Variants in PRKN observed in about 807,000 individuals in gnomAD.
PRKN encodes the protein E3 ubiquitin-protein ligase parkin.
In PRKN, 56 loss-of-function variants were observed where a neutral mutation model predicts 59.5. The ratio of observed to expected loss-of-function variants is 0.94; its 90% CI spans 0.76 to 1.18. PRKN has a LOEUF of 1.18. Ranked by LOEUF, PRKN falls within the 50% of genes most tolerant of loss-of-function variation. The probability of loss-of-function intolerance (pLI) is 0.00; values close to 1 mark genes in which losing one functional copy is unlikely to be tolerated. For synonymous variants in PRKN, 250 were observed against 222.1 expected, an observed-to-expected ratio of 1.13 and a Z score of -1.12; for missense variants, 657 against 596.4, an observed-to-expected ratio of 1.10 and a Z score of -1.06.
rs557687820 is a variant in PRKN at position 162,200,529 on chromosome 6, T to C, written c.534+602A>G. Reference sequence around the variant, plus strand: ...TGGGTCACATAATGTTATTCATCTTTTGATTTTTCCCAACCATTTAAAGCC... The same window carrying C: ...TGGGTCACATAATGTTATTCATCTTCTGATTTTTCCCAACCATTTAAAGCC... On this transcript the variant is annotated intron_variant, in intron 4 of 11. Coordinates refer to ENST00000366898, the MANE Select transcript of PRKN (RefSeq NM_004562.3). 2.0e-5 allele frequency among the ~76,000 whole-genome samples: 3 copies of C among 152,308 alleles called. No homozygotes were observed. The East Asian group carries it at 5.8e-4, about 29-fold the overall frequency.
At chr6:162,532,341 A>G (rs1477820523) in intron 1 of PRKN, among the ~76,000 whole-genome samples, 2 of 152,252 alleles carry the variant, frequency 1.3e-5, no homozygotes, top group Non-Finnish European at 2.9e-5. Context: ...CTAAGTCTAC[A>G]TCACGGAGAC....
chr6:162,274,172 A>AATTAATTTATTT (rs1439630044), intron 2 of PRKN, among the ~76,000 whole-genome samples: 296 of 151,490 alleles, frequency 2.0e-3, no homozygotes, highest in African/African-American at 6.2e-3. Flanking sequence ...TTAATTTATT[A>AATTAATTTATTT]ATTTATTAAT....
intron 2 of PRKN, among the ~76,000 whole-genome samples, chr6:162,350,130 C>A (rs1784565722): frequency 6.6e-6 from 1 of 152,030 alleles, no homozygotes. Flanking sequence ...AGGAAAACAT[C>A]TGACCAAACA....
At chr6:161,436,398 T>C (rs28539045) in intron 9 of PRKN, among the ~76,000 whole-genome samples, 2 of 141,652 alleles carry the variant, frequency 1.4e-5, no homozygotes, top group African/African-American at 5.5e-5. Flanking sequence ...AGAGGAGGCA[T>C]GGCATAGAGA....
intron 2 of PRKN, among the ~76,000 whole-genome samples, chr6:162,361,157 C>CA (rs1478166601): frequency 6.6e-6 from 1 of 152,030 alleles, no homozygotes; most frequent in African/African-American, 2.4e-5. Context: ...TTGTAAACAT[C>CA]AGTCAAGTTC....
intron 1 of PRKN, among the ~76,000 whole-genome samples, chr6:162,475,523 G>A (rs186721298): frequency 6.0e-4 from 91 of 152,294 alleles, no homozygotes; most frequent in African/African-American, 1.4e-3. Context: ...TAAGAACCGC[G>A]CAGGTACATG....
intron 4 of PRKN, among the ~76,000 whole-genome samples, chr6:162,067,931 A>T (rs1009378449): frequency 6.6e-6 from 1 of 152,184 alleles, no homozygotes; most frequent in African/African-American, 2.4e-5. Flanking sequence ...ATAAATAAGC[A>T]TTTTTTATTT....
At chr6:162,381,950 A>T (rs1786509776) in intron 2 of PRKN, among the ~76,000 whole-genome samples, 1 of 152,168 alleles carries the variant, frequency 6.6e-6, no homozygotes. Context: ...AACACAGCAC[A>T]ATTGCAGATC....
chr6:162,084,915 A>G (rs1162461052), intron 4 of PRKN, among the ~76,000 whole-genome samples: 2 of 151,924 alleles, frequency 1.3e-5, no homozygotes, highest in African/African-American at 4.8e-5. Context: ...TGGAATTACA[A>G]TCAGTAACCT....
intron 1 of PRKN, among the ~76,000 whole-genome samples, chr6:162,573,157 A>G (rs1780418929): frequency 6.6e-6 from 1 of 152,154 alleles, no homozygotes; most frequent in Non-Finnish European, 1.5e-5. Flanking sequence ...GTAGATTCCA[A>G]ACAGAAAATG....
At chr6:162,229,846 C>T (rs1401986164) in intron 3 of PRKN, among the ~76,000 whole-genome samples, 2 of 152,178 alleles carry the variant, frequency 1.3e-5, no homozygotes, top group Non-Finnish European at 2.9e-5. Flanking sequence ...TCTGTATGGA[C>T]TCATAACTAG....
chr6:162,397,745 G>T (rs1562732221), intron 2 of PRKN, among the ~76,000 whole-genome samples: 1 of 152,212 alleles, frequency 6.6e-6, no homozygotes, highest in South Asian at 2.1e-4. Context: ...CAGTAGAAAT[G>T]TAAGATTTTG....
chr6:162,162,214 G>C (rs927188461), intron 4 of PRKN, among the ~76,000 whole-genome samples: 1 of 152,132 alleles, frequency 6.6e-6, no homozygotes, highest in African/African-American at 2.4e-5. Context: ...CTCCTGACTA[G>C]CTGGGATTAC....
chr6:162,680,167 A>G (rs911631881), intron 1 of PRKN, among the ~76,000 whole-genome samples: 5 of 151,258 alleles, frequency 3.3e-5, no homozygotes, highest in African/African-American at 7.3e-5. Context: ...TATATACTTA[A>G]TTAAGCATAT....
rs1371966834 is a variant in PRKN at position 162,121,237 on chromosome 6, C to T, written c.535-67063G>A. 2.0e-5 allele frequency among the ~76,000 whole-genome samples: 3 copies of T among 152,072 alleles called. No individual in the cohort carries two copies. In the East Asian group the frequency reaches 5.8e-4, roughly 29 times the overall value. On this transcript the variant is annotated intron_variant, in intron 4 of 11. Coordinates refer to ENST00000366898, the MANE Select transcript of PRKN (RefSeq NM_004562.3). ...ACATGTACCACACAGACCAGATGAA[C>T]AGAAAATAGCAAATACCTTAAATGT...
chr6:161,703,211 G>A (rs1786327539), intron 7 of PRKN, among the ~76,000 whole-genome samples: 1 of 152,140 alleles, frequency 6.6e-6, no homozygotes, highest in Admixed American at 6.5e-5. Context: ...GGCTGAGGCA[G>A]GAGGATTTCT....
rs181486458 is a variant in PRKN at position 162,069,054 on chromosome 6, A to G, written c.535-14880T>C. On this transcript the variant is annotated intron_variant, in intron 4 of 11. Transcript: ENST00000366898. The stretch of plus-strand genomic sequence containing the variant: ...TGGAGTCCTCCTTTTAAAATTTCAA[A>G]TAAGTCATTTTATAGCTTGGGAGAT... Among the ~76,000 whole-genome samples the G allele has an allele frequency of 1.7e-4, 26 of 152,292 alleles. 1 individual carries two copies. Among genetic ancestry groups the G allele is most frequent in the African/African-American group, 5.8e-4 (24 of 41,556 alleles).
chr6:162,562,621 G>A (rs547195707), intron 1 of PRKN, among the ~76,000 whole-genome samples: 2 of 152,174 alleles, frequency 1.3e-5, no homozygotes, highest in Non-Finnish European at 2.9e-5. Context: ...CCTTTGGAAA[G>A]GGGAGAGAAA....
intron 6 of PRKN, among the ~76,000 whole-genome samples, chr6:161,939,947 G>T (rs1397876934): frequency 6.6e-6 from 1 of 151,480 alleles, no homozygotes; most frequent in African/African-American, 2.4e-5. Context: ...TGCCCAGGCT[G>T]GAGTGCGATG....
Sources: gnomAD v4.1 joint callset for allele counts (sites outside exome capture counted in the v4.1 genomes callset) on GRCh38, gnomAD v4.1.1 for gene constraint, MANE v1.5 for transcripts, NCBI Gene and HGNC (gene_info 2026-07-23, HGNC 2026-07-21) for gene names.